SLC35D4: variants seen among roughly 807,000 people sequenced by gnomAD.
SLC35D4 encodes the protein UDP-N-acetylglucosamine transporter SLC35D4.
the SLC35D4 span, chr18:23,385,042 T>C: frequency 1.2e-6 from 2 of 1,613,568 alleles, no homozygotes; most frequent in South Asian, 1.1e-5. Flanking sequence ...AGCTACATTA[T>C]GCAAAGTGAG....
At chr18:23,412,961 G>C in the SLC35D4 span, among the ~76,000 whole-genome samples, 1 of 152,192 alleles carries the variant, frequency 6.6e-6, no homozygotes. Flanking sequence ...GATGCTCAAG[G>C]CTTCACACAC....
chr18:23,296,733 A>C, the SLC35D4 span: 1 of 151,824 alleles, frequency 6.6e-6, no homozygotes, highest in East Asian at 1.9e-4. Flanking sequence ...ATAAATATAA[A>C]TGTGTATGTG....
At chr18:23,245,503 CAAAA>C in the SLC35D4 span, among the ~76,000 whole-genome samples, 6 of 94,552 alleles carry the variant, frequency 6.3e-5, no homozygotes, top group African/African-American at 1.1e-4. Context: ...CATCCTGTCT[CAAAA>C]AAAAAAAAAA....
At chr18:23,418,965 G>A in the SLC35D4 span, among the ~76,000 whole-genome samples, 5 of 151,520 alleles carry the variant, frequency 3.3e-5, no homozygotes, top group Admixed American at 6.6e-5. Flanking sequence ...CTGAGATCGC[G>A]CCACTGCACT....
the SLC35D4 span, among the ~76,000 whole-genome samples, chr18:23,327,785 C>T: frequency 6.6e-6 from 1 of 152,204 alleles, no homozygotes. Context: ...CCCTGATGAA[C>T]ATCAATGCAA....
At chr18:23,251,180 C>T in the SLC35D4 span, among the ~76,000 whole-genome samples, 9 of 152,208 alleles carry the variant, frequency 5.9e-5, no homozygotes, top group Admixed American at 2.6e-4. Context: ...AGGCCGGGCA[C>T]GGTTGCTCAT....
chr18:23,331,533 A>T, the SLC35D4 span: 1 of 152,240 alleles, frequency 6.6e-6, no homozygotes, highest in Admixed American at 6.5e-5. Flanking sequence ...CTGCTTTCTG[A>T]GCGCCGCACC....
At chr18:23,418,099 T>C in the SLC35D4 span, among the ~76,000 whole-genome samples, 1 of 152,132 alleles carries the variant, frequency 6.6e-6, no homozygotes, top group African/African-American at 2.4e-5. Flanking sequence ...GTATAACATA[T>C]AAAATCCCAA....
chr18:23,419,578 A>C, the SLC35D4 span, among the ~76,000 whole-genome samples: 2 of 152,116 alleles, frequency 1.3e-5, no homozygotes, highest in Non-Finnish European at 2.9e-5. Flanking sequence ...AGGCATGAGC[A>C]CTGTGCCTGG....
chr18:23,312,223 G>A, the SLC35D4 span, among the ~76,000 whole-genome samples: 1 of 152,144 alleles, frequency 6.6e-6, no homozygotes, highest in Non-Finnish European at 1.5e-5. Context: ...TGGGATTTGT[G>A]CCTCTGCTCC....
the SLC35D4 span, among the ~76,000 whole-genome samples, chr18:23,245,010 A>G: frequency 6.6e-6 from 1 of 152,206 alleles, no homozygotes; most frequent in Admixed American, 6.5e-5. Flanking sequence ...CAGACCAACA[A>G]CCTGTCTGCT....
chr18:23,344,204 G>C, the SLC35D4 span, among the ~76,000 whole-genome samples: 1 of 152,158 alleles, frequency 6.6e-6, no homozygotes, highest in Admixed American at 6.6e-5. Context: ...TTTTATGGCT[G>C]CATAGTATCC....
At chr18:23,316,615 A>G in the SLC35D4 span, among the ~76,000 whole-genome samples, 1 of 152,160 alleles carries the variant, frequency 6.6e-6, no homozygotes, top group Non-Finnish European at 1.5e-5. Flanking sequence ...AGATATCAGA[A>G]CAACATTTAT....
At chr18:23,437,571 T>C in the SLC35D4 span, among the ~76,000 whole-genome samples, 1 of 152,122 alleles carries the variant, frequency 6.6e-6, no homozygotes, top group Non-Finnish European at 1.5e-5. Flanking sequence ...AGATGTACCG[T>C]GCTTTACAGT....
chr18:23,404,993 A>C, the SLC35D4 span, among the ~76,000 whole-genome samples: 102 of 18,016 alleles, frequency 5.7e-3, no homozygotes, highest in Non-Finnish European at 6.5e-3. Flanking sequence ...ACTCCGTCTC[A>C]AAAAAAAAAA....
At chr18:23,374,213 G>A in the SLC35D4 span, among the ~76,000 whole-genome samples, 1 of 152,282 alleles carries the variant, frequency 6.6e-6, no homozygotes, top group South Asian at 2.1e-4. Context: ...CCCCACAACC[G>A]AATGATCAAA....
At chr18:23,363,285 A>G in the SLC35D4 span, among the ~76,000 whole-genome samples, 1 of 150,190 alleles carries the variant, frequency 6.7e-6, no homozygotes. Context: ...TATTCACCCA[A>G]GTCCACTAGA....
chr18:23,385,144 A>G, the SLC35D4 span: 1 of 1,418,236 alleles, frequency 7.1e-7, no homozygotes, highest in Non-Finnish European at 9.6e-7. Flanking sequence ...TTTTTTGCTT[A>G]AAAATAAAGA....
the SLC35D4 span, among the ~76,000 whole-genome samples, chr18:23,302,615 T>A: frequency 6.6e-6 from 1 of 152,226 alleles, no homozygotes; most frequent in African/African-American, 2.4e-5. Context: ...ATTTGAACAC[T>A]TATCCCCTAC....
Sources: allele counts gnomAD v4.1 joint callset (sites outside exome capture counted in the v4.1 genomes callset), GRCh38; gene constraint gnomAD v4.1.1; transcripts MANE v1.5; gene names NCBI Gene and HGNC (gene_info 2026-07-23, HGNC 2026-07-21).